The following DOCK2 variants were observed in gnomAD, a reference collection of about 807,000 sequenced individuals.
DOCK2 encodes the protein dedicator of cytokinesis protein 2.
DOCK2 carries 87 observed loss-of-function variants against 248.9 expected under a neutral mutation model. The observed-to-expected ratio is 0.35, with a 90% CI of 0.29 to 0.42. The LOEUF (loss-of-function observed/expected upper bound fraction) is 0.42. Ranked by LOEUF, DOCK2 falls within the 10% of genes least tolerant of loss-of-function variation. The pLI, the probability that DOCK2 is intolerant of heterozygous loss-of-function variation, is 1.00. For synonymous variants in DOCK2, 805 were observed against 821.6 expected, an observed-to-expected ratio of 0.98 and a Z score of 0.35; for missense variants, 1,747 against 2,300.2, an observed-to-expected ratio of 0.76 and a Z score of 4.92.
intron 26 of DOCK2, among the ~76,000 whole-genome samples, chr5:169,825,013 GA>G (rs1177366954): frequency 3.9e-5 from 6 of 152,124 alleles, no homozygotes; most frequent in Non-Finnish European, 8.8e-5. Flanking sequence ...AAAAACACAT[GA>G]AAAAATGCTC....
At chr5:170,012,452 A>G (rs942598896) in intron 32 of DOCK2, among the ~76,000 whole-genome samples, 1 of 152,238 alleles carries the variant, frequency 6.6e-6, no homozygotes, top group East Asian at 1.9e-4. Flanking sequence ...CATCAGTATC[A>G]TCATCTTCTT....
chr5:169,801,476 C>T (rs1338156385), intron 25 of DOCK2, among the ~76,000 whole-genome samples: 2 of 152,158 alleles, frequency 1.3e-5, no homozygotes, highest in African/African-American at 2.4e-5. Context: ...ATGATTCATG[C>T]ACGACACTTG....
chr5:169,704,159 C>G (rs1761121012), intron 14 of DOCK2: 1 of 152,162 alleles, frequency 6.6e-6, no homozygotes, highest in South Asian at 2.1e-4. Context: ...TAGGGAAATT[C>G]TGGGGGAGTT....
At chr5:169,912,955 T>G (rs907819846) in intron 27 of DOCK2, among the ~76,000 whole-genome samples, 1 of 152,172 alleles carries the variant, frequency 6.6e-6, no homozygotes, top group African/African-American at 2.4e-5. Flanking sequence ...GAAAGACAAT[T>G]TAATGGGTGA....
chr5:169,652,365 C>T (rs1445188202), intron 1 of DOCK2, among the ~76,000 whole-genome samples: 2 of 152,218 alleles, frequency 1.3e-5, no homozygotes, highest in African/African-American at 4.8e-5. Context: ...CAGGAAAAGA[C>T]AGAACTGGCC....
chr5:169,674,561 G>A, intron 6 of DOCK2, 116 bp downstream of exon 6: 1 of 1,490,458 alleles, frequency 6.7e-7, no homozygotes, highest in Non-Finnish European at 9.0e-7. Context: ...TTCTGTTTGG[G>A]AGAAGGTTGT....
At chr5:169,877,417 T>C (rs535772206) in intron 27 of DOCK2, among the ~76,000 whole-genome samples, 1 of 152,216 alleles carries the variant, frequency 6.6e-6, no homozygotes, top group Middle Eastern at 3.4e-3. Flanking sequence ...GGCAGAGGAA[T>C]TGGAGTGAAG....
chr5:169,867,625 CATCT>C (rs35247242), intron 27 of DOCK2, among the ~76,000 whole-genome samples: 116,839 of 150,838 alleles, frequency 0.77, 45,816 homozygotes, highest in African/African-American at 0.86. Flanking sequence ...CATTATCTAT[CATCT>C]ATCTATCTAT....
At chr5:169,704,499 A>G (rs188919061) in intron 14 of DOCK2, among the ~76,000 whole-genome samples, 2 of 152,292 alleles carry the variant, frequency 1.3e-5, no homozygotes, top group African/African-American at 2.4e-5. Flanking sequence ...GGTCAGGCAG[A>G]CAGGGTTCAA....
At chr5:169,960,911 A>G (rs1777059435) in intron 27 of DOCK2, among the ~76,000 whole-genome samples, 2 of 152,238 alleles carry the variant, frequency 1.3e-5, no homozygotes, top group Non-Finnish European at 2.9e-5. Context: ...GGAAAAAATC[A>G]TAGTATATAT....
At chr5:169,648,265 C>T (rs1757583204) in intron 1 of DOCK2, among the ~76,000 whole-genome samples, 1 of 152,074 alleles carries the variant, frequency 6.6e-6, no homozygotes, top group African/African-American at 2.4e-5. Context: ...TCACTAGAGG[C>T]TAGTAGCACT....
intron 27 of DOCK2, among the ~76,000 whole-genome samples, chr5:169,922,133 A>G (rs1775209222): frequency 6.6e-6 from 1 of 152,218 alleles, no homozygotes; most frequent in African/African-American, 2.4e-5. Context: ...CATAAACTGC[A>G]GTAATGTCAG....
intron 22 of DOCK2, among the ~76,000 whole-genome samples, chr5:169,746,135 AAG>A (rs1581130952): frequency 6.6e-6 from 1 of 152,178 alleles, no homozygotes; most frequent in Non-Finnish European, 1.5e-5. Context: ...GAAGGAAAGA[AAG>A]AGAGACAGAG....
At chr5:169,637,481 A>C in intron 1 of DOCK2, 112 bp downstream of exon 1, 2 of 1,186,778 alleles carry the variant, frequency 1.7e-6, no homozygotes, top group Non-Finnish European at 2.1e-6. Flanking sequence ...CGCTGCCTGC[A>C]GGTCAGAGGG....
intron 26 of DOCK2, among the ~76,000 whole-genome samples, chr5:169,837,096 TATGTA>T (rs1337850919): frequency 3.3e-5 from 5 of 152,168 alleles, no homozygotes; most frequent in Non-Finnish European, 5.9e-5. Flanking sequence ...TCTGCTGTGT[TATGTA>T]GTGAGCTCTG....
At chr5:169,778,386 AT>A (rs919180116) in intron 25 of DOCK2, among the ~76,000 whole-genome samples, 3 of 152,204 alleles carry the variant, frequency 2.0e-5, no homozygotes, top group Admixed American at 1.3e-4. Flanking sequence ...TCTTATAAAT[AT>A]TGGTTGGGCT....
At chr5:169,928,363 C>T (rs534253449) in intron 27 of DOCK2, among the ~76,000 whole-genome samples, 15 of 152,356 alleles carry the variant, frequency 9.8e-5, no homozygotes, top group African/African-American at 3.4e-4. Flanking sequence ...CTATCTCCAC[C>T]TGAATGAACC....
chr5:169,806,921 C>T (rs1253131086), intron 26 of DOCK2, among the ~76,000 whole-genome samples: 1 of 150,250 alleles, frequency 6.7e-6, no homozygotes, highest in Non-Finnish European at 1.5e-5. Flanking sequence ...TTATTCTCCG[C>T]CCTCCTCACC....
intron 26 of DOCK2, among the ~76,000 whole-genome samples, chr5:169,839,794 C>T (rs1341275017): frequency 6.6e-6 from 1 of 152,100 alleles, no homozygotes; most frequent in African/African-American, 2.4e-5. Context: ...AACCCTAGTC[C>T]CGGGGCTCCA....
Sources: gnomAD v4.1 joint callset for allele counts (sites outside exome capture counted in the v4.1 genomes callset) on GRCh38, gnomAD v4.1.1 for gene constraint, MANE v1.5 for transcripts, NCBI Gene and HGNC (gene_info 2026-07-23, HGNC 2026-07-21) for gene names.